Variants in ESR1 observed in about 807,000 individuals in gnomAD.
ESR1 encodes estrogen receptor 1.
Under a neutral mutation model 52.7 loss-of-function variants are expected in ESR1, and 12 were observed. The ratio of observed to expected loss-of-function variants is 0.23; its 90% CI spans 0.15 to 0.37. The LOEUF (loss-of-function observed/expected upper bound fraction) is 0.37. ESR1 is among the 10% of genes least tolerant of loss of function. The pLI is 1.00. For synonymous variants in ESR1, 305 were observed against 316.8 expected, an observed-to-expected ratio of 0.96 and a Z score of 0.39; for missense variants, 584 against 779.7, an observed-to-expected ratio of 0.75 and a Z score of 2.99.
chr6:151,985,130 C>G (rs2040338152), intron 4 of ESR1, among the ~76,000 whole-genome samples: 1 of 152,052 alleles, frequency 6.6e-6, no homozygotes, highest in Non-Finnish European at 1.5e-5. Flanking sequence ...CTCCTTCCTG[C>G]AACTGGATTG....
chr6:151,751,673 T>A (rs1413831116), intron 2 of ESR1, among the ~76,000 whole-genome samples: 2 of 152,220 alleles, frequency 1.3e-5, no homozygotes, highest in Non-Finnish European at 2.9e-5. Context: ...TGATCCAATT[T>A]AAACAAAGTA....
intron 3 of ESR1, among the ~76,000 whole-genome samples, chr6:151,899,552 G>A (rs1468061575): frequency 1.4e-4 from 21 of 147,826 alleles, no homozygotes; most frequent in African/African-American, 4.7e-4. Context: ...CCTCCCGGAC[G>A]GGGCGGCTGG....
chr6:152,086,364 T>C (rs2049716746), intron 6 of ESR1, among the ~76,000 whole-genome samples: 1 of 150,260 alleles, frequency 6.7e-6, no homozygotes, highest in African/African-American at 2.4e-5. Context: ...CTATATTTAT[T>C]ACAAAATGTA....
intron 3 of ESR1, among the ~76,000 whole-genome samples, chr6:151,900,570 G>A (rs765990328): frequency 6.6e-6 from 1 of 152,178 alleles, no homozygotes; most frequent in Non-Finnish European, 1.5e-5. Context: ...CATTTGGTAG[G>A]CTATGTCTGA....
intron 4 of ESR1, among the ~76,000 whole-genome samples, chr6:152,010,702 T>G (rs920328837): frequency 1.3e-5 from 2 of 152,142 alleles, no homozygotes; most frequent in Non-Finnish European, 2.9e-5. Context: ...GCACAGGTTT[T>G]GGCTTCAACA....
intron 5 of ESR1, among the ~76,000 whole-genome samples, chr6:152,015,651 G>A (rs964346379): frequency 6.6e-6 from 1 of 152,178 alleles, no homozygotes; most frequent in Non-Finnish European, 1.5e-5. Context: ...GATAGTCATG[G>A]CAGCTGTTAT....
At chr6:152,112,341 T>C (rs903721477) in intron 6 of ESR1, among the ~76,000 whole-genome samples, 1 of 152,354 alleles carries the variant, frequency 6.6e-6, no homozygotes, top group Non-Finnish European at 1.5e-5. Context: ...TTAAAATAGA[T>C]GCCCTTTCAA....
intron 1 of ESR1, among the ~76,000 whole-genome samples, chr6:151,681,226 T>TA (rs1178845212): frequency 6.6e-6 from 1 of 152,224 alleles, no homozygotes; most frequent in African/African-American, 2.4e-5. Flanking sequence ...GAATGATTCT[T>TA]AATTATATTT....
intron 2 of ESR1, among the ~76,000 whole-genome samples, chr6:151,745,050 T>C (rs1283290660): frequency 6.6e-6 from 1 of 152,170 alleles, no homozygotes; most frequent in Non-Finnish European, 1.5e-5. Context: ...TCCACCAGAG[T>C]CCATCTCCCA....
intron 2 of ESR1, among the ~76,000 whole-genome samples, chr6:151,774,939 A>G (rs1476282413): frequency 6.6e-6 from 1 of 152,238 alleles, no homozygotes; most frequent in African/African-American, 2.4e-5. Context: ...TTCACTTTTA[A>G]TATAATTTTA....
At position 152,021,373 on chromosome 6, in the gene ESR1, C is replaced by T. The variant is rs1476232911; in HGVS notation, c.1235+9579C>T. Among the ~76,000 whole-genome samples the T allele has an allele frequency of 4.6e-5, 7 of 152,054 alleles. No individual in the cohort carries two copies. In the East Asian group the frequency reaches 9.6e-4, roughly 21 times the overall value. ...GCAGACAGTCTATTGTGGGACCTTC[C>T]GATCATGTAAGTTAATGCTTAATAA... On this transcript the variant is annotated intron_variant, in intron 5 of 7. Transcript: ENST00000206249.
At position 152,098,006 on chromosome 6, in the gene ESR1, G is replaced by A. The variant is rs774323933; in HGVS notation, c.1554-726G>A. On this transcript the variant is annotated intron_variant, in intron 7 of 7. Transcript: ENST00000206249. This position sits in a 1 kb window ranked among gnomAD's most constrained non-coding sequence, Gnocchi z 5.1. The stretch of plus-strand genomic sequence containing the variant: ...CTTGAGGCTGCTGCCACTGGGTAGC[G>A]GTAGGCCTTTCCGAGGAGGCGGCAT... Among the ~76,000 whole-genome samples the A allele has an allele frequency of 3.9e-5, 6 of 152,202 alleles. No individual in the cohort carries two copies. The highest frequency in any genetic ancestry group is 7.2e-5 in the African/African-American group (3 of 41,448).
chr6:151,663,183 T>A (rs76779256), intron 1 of ESR1, among the ~76,000 whole-genome samples: 2,839 of 152,338 alleles, frequency 0.019, 84 homozygotes, highest in African/African-American at 0.062. Flanking sequence ...TTTTGTGTAA[T>A]GCCTGGAATG....
chr6:152,072,888 G>A (rs2048461012), intron 6 of ESR1, among the ~76,000 whole-genome samples: 1 of 152,218 alleles, frequency 6.6e-6, no homozygotes. Flanking sequence ...TAATCATTGA[G>A]TTAGACAATG....
intron 6 of ESR1, among the ~76,000 whole-genome samples, chr6:152,093,274 CA>C (rs548065969): frequency 4.8e-5 from 5 of 104,496 alleles, no homozygotes; most frequent in Admixed American, 1.1e-4. Context: ...GACTCTGTCT[CA>C]AAAAAAAAAC....
chr6:152,027,877 C>A (rs949879559), intron 5 of ESR1, among the ~76,000 whole-genome samples: 20 of 152,104 alleles, frequency 1.3e-4, no homozygotes, highest in African/African-American at 4.6e-4. Context: ...GGTGCGGTGG[C>A]TCATGCCTGT....
exon 7 of ESR1, chr6:152,127,606 A>G (rs1276308451): frequency 6.6e-6 from 1 of 152,156 alleles, no homozygotes; most frequent in Non-Finnish European, 1.5e-5. Flanking sequence ...CCCTAGAAAC[A>G]CCAGGAAGGC....
At chr6:151,845,980 C>T (rs1446881062) in intron 2 of ESR1, among the ~76,000 whole-genome samples, 2 of 152,016 alleles carry the variant, frequency 1.3e-5, no homozygotes, top group African/African-American at 2.4e-5. Context: ...ACTGATAAAC[C>T]AGCAATTAGA....
At chr6:151,780,098 G>T (rs1232878753) in intron 2 of ESR1, among the ~76,000 whole-genome samples, 2 of 151,746 alleles carry the variant, frequency 1.3e-5, no homozygotes, top group African/African-American at 4.9e-5. Flanking sequence ...CATAATGAGT[G>T]GGTGAGTTCC....
Sources: gnomAD v4.1 joint callset for allele counts (sites outside exome capture counted in the v4.1 genomes callset) on GRCh38, gnomAD v4.1.1 for gene constraint, Gnocchi (gnomAD v3.1) non-coding constraint, MANE v1.5 for transcripts, NCBI Gene and HGNC (gene_info 2026-07-23, HGNC 2026-07-21) for gene names.